The following TMEM131 variants were observed in gnomAD, a reference collection of about 807,000 sequenced individuals.
The protein encoded by TMEM131 is transmembrane protein 131.
A neutral mutation model predicts 211.6 loss-of-function variants in TMEM131; 66 were observed. The observed-to-expected ratio is 0.31, with a 90% confidence interval of 0.26 to 0.38. The LOEUF (loss-of-function observed/expected upper bound fraction) is 0.38. Ranked by LOEUF, TMEM131 falls within the 10% of genes least tolerant of loss-of-function variation. TMEM131 has a pLI of 1.00. For synonymous variants in TMEM131, 844 were observed against 841.3 expected (o/e 1.00, Z -0.06); for missense variants, 2,036 against 2,299.3 (o/e 0.89, Z 2.34).
At chr2:97,914,560 C>CA (rs752314102) in intron 2 of TMEM131, among the ~76,000 whole-genome samples, 1 of 152,192 alleles carries the variant, frequency 6.6e-6, no homozygotes, top group Non-Finnish European at 1.5e-5. Flanking sequence ...CAAGCCCTGG[C>CA]AACCATTCCT....
intron 4 of TMEM131, among the ~76,000 whole-genome samples, chr2:97,880,559 T>C (rs1229175784): frequency 6.6e-6 from 1 of 152,068 alleles, no homozygotes; most frequent in African/African-American, 2.4e-5. Flanking sequence ...AGGAAGGGGA[T>C]GGAGTGCTGT....
At chr2:97,789,159 C>A (rs1245081070) in intron 31 of TMEM131, among the ~76,000 whole-genome samples, 1 of 152,244 alleles carries the variant, frequency 6.6e-6, no homozygotes, top group Non-Finnish European at 1.5e-5. Flanking sequence ...GTCCTCAAGT[C>A]CAGGCTCCGC....
intron 4 of TMEM131, among the ~76,000 whole-genome samples, chr2:97,884,700 A>T (rs1200934097): frequency 2.0e-5 from 3 of 151,772 alleles, no homozygotes; most frequent in African/African-American, 7.3e-5. Flanking sequence ...ATAGCTTTTT[A>T]CTTGATGTCT....
intron 6 of TMEM131, 85 bp from the exon 7 acceptor site, chr2:97,842,022 G>C: frequency 8.3e-7 from 1 of 1,205,426 alleles, no homozygotes; most frequent in South Asian, 3.0e-5. Flanking sequence ...TAGGGAGACT[G>C]GCAAATCTAA....
At chr2:97,882,026 T>C (rs903536046) in intron 4 of TMEM131, among the ~76,000 whole-genome samples, 1 of 152,226 alleles carries the variant, frequency 6.6e-6, no homozygotes, top group Non-Finnish European at 1.5e-5. Context: ...GCAGTGAAAA[T>C]GTACAAATTT....
intron 33 of TMEM131, 105 bp from the exon 34 acceptor site, chr2:97,766,707 C>T: frequency 7.2e-7 from 1 of 1,394,804 alleles, no homozygotes; most frequent in Non-Finnish European, 9.9e-7. Context: ...ATGCAGGAAG[C>T]TAATGTGGCT....
intron 4 of TMEM131, among the ~76,000 whole-genome samples, chr2:97,863,336 G>C (rs138931828): frequency 6.6e-6 from 1 of 152,156 alleles, no homozygotes; most frequent in Non-Finnish European, 1.5e-5. Context: ...GTTGGAGTGG[G>C]CACAGATTTC....
rs185140601 is a variant in TMEM131, at chr2:97,937,803, G to A, written c.188-10316C>T. Among the ~76,000 whole-genome samples, 4 of 152,306 alleles carry A rather than the reference G, an allele frequency of 2.6e-5. No homozygotes were observed. In the East Asian group the frequency reaches 7.7e-4, roughly 29 times the overall value. ...TTCAAACATGGGTAGAACAACTAGA[G>A]AGAAGGTCATCAGACTAACAGCGGA... On this transcript the variant is annotated intron_variant, in intron 1 of 40. Coordinates refer to ENST00000186436, the MANE Select transcript of TMEM131 (RefSeq NM_015348.2).
At position 97,792,888 on chromosome 2, in the gene TMEM131, A is replaced by G. The variant is rs750719771; in HGVS notation, c.3642T>C (p.Cys1214=). Residue 1214 remains cysteine (C), a synonymous_variant, in exon 31 of 41, where the codon TGT becomes TGC. Transcript: ENST00000186436. ...SRPSAGSHKQ[C]GPSVHPHSSH... ...TGCTGTGTGGGTGGACCGATGGGCCACACTGCTTATGACTCCCGGCACTGG... is the reference window on the plus strand; with the variant it reads ...TGCTGTGTGGGTGGACCGATGGGCCGCACTGCTTATGACTCCCGGCACTGG... The G allele has an allele frequency of 1.2e-5, 19 of 1,613,468 alleles. 1 individual carries two copies. In the East Asian group the frequency reaches 4.2e-4, roughly 36 times the overall value.
intron 3 of TMEM131, among the ~76,000 whole-genome samples, chr2:97,904,737 T>A (rs1384894698): frequency 6.6e-6 from 1 of 152,134 alleles, no homozygotes; most frequent in Admixed American, 6.5e-5. Flanking sequence ...TTCTTTTAGA[T>A]CAACTGAGTA....
At chr2:97,769,358 G>A (rs918229292) in intron 33 of TMEM131, among the ~76,000 whole-genome samples, 10 of 151,842 alleles carry the variant, frequency 6.6e-5, no homozygotes, top group South Asian at 2.1e-4. Flanking sequence ...CTGAGATTTC[G>A]TATTCTTTTT....
intron 3 of TMEM131, among the ~76,000 whole-genome samples, chr2:97,908,167 T>A (rs1169009412): frequency 6.6e-6 from 1 of 152,202 alleles, no homozygotes; most frequent in East Asian, 1.9e-4. Context: ...CAAATTCACA[T>A]GCATGTACCT....
chr2:97,892,665 AT>A (rs1440751309), intron 3 of TMEM131, among the ~76,000 whole-genome samples: 2 of 151,890 alleles, frequency 1.3e-5, no homozygotes, highest in Non-Finnish European at 2.9e-5. Context: ...GCCTGGCCTC[AT>A]TTTTTCTTTT....
chr2:97,965,585 G>C (rs1046114842), intron 1 of TMEM131, among the ~76,000 whole-genome samples: 2 of 152,122 alleles, frequency 1.3e-5, no homozygotes, highest in Non-Finnish European at 2.9e-5. Context: ...ACGCTGCTAA[G>C]CACCAAGTGG....
chr2:97,914,745 T>C (rs1319361367), intron 2 of TMEM131, among the ~76,000 whole-genome samples: 1 of 152,238 alleles, frequency 6.6e-6, no homozygotes, highest in Non-Finnish European at 1.5e-5. Flanking sequence ...TATTCCATGG[T>C]ATGAACGTAT....
intron 4 of TMEM131, among the ~76,000 whole-genome samples, chr2:97,864,860 A>G (rs1674211530): frequency 6.6e-6 from 1 of 152,192 alleles, no homozygotes. Flanking sequence ...CTTGAGATAG[A>G]GCCAGATCCT....
chr2:97,946,252 AAAG>A (rs1282558685), intron 1 of TMEM131, among the ~76,000 whole-genome samples: 6 of 152,214 alleles, frequency 3.9e-5, no homozygotes, highest in South Asian at 2.1e-4. Flanking sequence ...TAAAAAAAGA[AAAG>A]AAATAATAAA....
chr2:97,888,180 C>T, intron 3 of TMEM131, 60 bp from the exon 4 acceptor site: 1 of 1,430,502 alleles, frequency 7.0e-7, no homozygotes, highest in South Asian at 1.3e-5. Context: ...TTTCCCCAAA[C>T]TCTATTCAGA....
At position 97,814,122 on chromosome 2, in the gene TMEM131, G is replaced by A; in HGVS notation, c.1466C>T (p.Pro489Leu). 6.2e-7 allele frequency: 1 copy of A among 1,611,268 alleles called. No individual in the cohort carries two copies. The highest frequency in any genetic ancestry group is 8.5e-7 in the Non-Finnish European group (1 of 1,178,430). The change falls in exon 15 of 41, where the codon CCA becomes CTA. Residue 489 changes from proline (P) to leucine (L), a missense_variant. This residue lies in a region of TMEM131 where 1,623 missense variants were observed against 1,805.9 expected (regional missense o/e 0.90). Coordinates refer to ENST00000186436, the MANE Select transcript of TMEM131 (RefSeq NM_015348.2). ...TMFKVHNFSK[P>L]VLILPNESGY... ...TGATTCATTAGGAAGAATTAAGACTGGTTTGCTGAAGTTGTGAACCTGAGA... is the reference window on the plus strand; with the variant it reads ...TGATTCATTAGGAAGAATTAAGACTAGTTTGCTGAAGTTGTGAACCTGAGA...
Sources: allele counts gnomAD v4.1 joint callset (sites outside exome capture counted in the v4.1 genomes callset), GRCh38; gene constraint gnomAD v4.1.1; regional missense constraint gnomAD v4.1.1; transcripts MANE v1.5; gene names NCBI Gene and HGNC (gene_info 2026-07-23, HGNC 2026-07-21).